RUNX1: variants seen among roughly 807,000 people sequenced by gnomAD.
The protein encoded by RUNX1 is RUNX family transcription factor 1, also known as runt-related transcription factor 1.
Under a neutral mutation model 42.8 loss-of-function variants are expected in RUNX1, and 19 were observed. That is an observed-to-expected ratio of 0.44 (90% confidence interval 0.31 to 0.65). The LOEUF (loss-of-function observed/expected upper bound fraction) is 0.65. RUNX1 is among the 30% of genes least tolerant of loss of function. RUNX1 has a pLI of 0.07. For missense variants in RUNX1, 528 were observed against 672.0 expected (o/e 0.79, Z 2.37); for synonymous variants, 271 against 289.4 (o/e 0.94, Z 0.64).
At chr21:34,928,676 T>C (rs1195122450) in intron 2 of RUNX1, among the ~76,000 whole-genome samples, 2 of 140,850 alleles carry the variant, frequency 1.4e-5, no homozygotes, top group Non-Finnish European at 3.0e-5. Context: ...TGCGACTCCA[T>C]CTTAAAAAAA....
intron 2 of RUNX1, among the ~76,000 whole-genome samples, chr21:34,962,142 C>T (rs952113666): frequency 3.9e-5 from 6 of 152,346 alleles, no homozygotes; most frequent in South Asian, 2.1e-4. Context: ...ATCCTCCTGC[C>T]TTGGCCTCCC....
chr21:34,930,295 T>C (rs1292769326), intron 2 of RUNX1, among the ~76,000 whole-genome samples: 1 of 140,076 alleles, frequency 7.1e-6, no homozygotes, highest in Non-Finnish European at 1.5e-5. Flanking sequence ...TATATATAAA[T>C]AAATAAATAA....
At chr21:34,900,244 T>C (rs1387746186) in intron 2 of RUNX1, among the ~76,000 whole-genome samples, 1 of 152,238 alleles carries the variant, frequency 6.6e-6, no homozygotes, top group Non-Finnish European at 1.5e-5. Context: ...CAAAAGTCTG[T>C]GTGTATTTTA....
intron 2 of RUNX1, among the ~76,000 whole-genome samples, chr21:35,040,542 G>T (rs1026769328): frequency 6.6e-6 from 1 of 152,034 alleles, no homozygotes; most frequent in Non-Finnish European, 1.5e-5. Context: ...GGGAGGCTGA[G>T]GCGGGCAGAT....
At chr21:34,911,513 G>GAAC (rs2058272233) in intron 2 of RUNX1, among the ~76,000 whole-genome samples, 1 of 152,106 alleles carries the variant, frequency 6.6e-6, no homozygotes, top group Non-Finnish European at 1.5e-5. Context: ...GAGAAAAGAG[G>GAAC]AACAGCCTCT....
At chr21:34,962,990 A>C (rs1213525737) in intron 2 of RUNX1, among the ~76,000 whole-genome samples, 3 of 152,202 alleles carry the variant, frequency 2.0e-5, no homozygotes, top group Middle Eastern at 3.2e-3. Flanking sequence ...GCCCAACATC[A>C]GCACTTTGTT....
At position 34,790,768 on chromosome 21, in the gene RUNX1, A is replaced by T; in HGVS notation, c.*1367T>A. ...CACTGAGGCACACAGAGGCAAATTGACTCCTCGAGGCCTGCTTCTGGTGGG... is the reference window on the plus strand; with the variant it reads ...CACTGAGGCACACAGAGGCAAATTGTCTCCTCGAGGCCTGCTTCTGGTGGG... On this transcript the variant is annotated 3_prime_UTR_variant, in exon 9 of 9. Transcript: ENST00000675419. 4.3e-6 allele frequency: 1 copy of T among 232,972 alleles called. No homozygotes were observed. Among genetic ancestry groups the T allele is most frequent in the Middle Eastern group, 1.3e-3 (1 of 786 alleles). 14.4% of individuals were successfully genotyped at this position (232,972 alleles called of 1,614,324 possible).
chr21:34,961,094 G>A (rs943329003), intron 2 of RUNX1, among the ~76,000 whole-genome samples: 2 of 152,120 alleles, frequency 1.3e-5, no homozygotes, highest in African/African-American at 4.8e-5. Context: ...GGACATTCAT[G>A]GCTGGGCGTG....
rs2058231526 is a variant in RUNX1 at position 34,907,432 on chromosome 21, G to C, written c.59-14469C>G. Among the ~76,000 whole-genome samples, 1 of 152,058 alleles carries C rather than the reference G, an allele frequency of 6.6e-6. No individual in the cohort carries two copies. Among genetic ancestry groups the C allele is most frequent in the Non-Finnish European group, 1.5e-5 (1 of 68,046 alleles). ...ATAGAGTGCTTCATCAGTAGTAAGGGTGAATACTGCTTCCTGAAGCTCTTT... is the reference window on the plus strand; with the variant it reads ...ATAGAGTGCTTCATCAGTAGTAAGGCTGAATACTGCTTCCTGAAGCTCTTT... On this transcript the variant is annotated intron_variant, in intron 2 of 8. Transcript: ENST00000675419. This position sits in a 1 kb window ranked among gnomAD's most constrained non-coding sequence, Gnocchi z 5.3.
chr21:35,006,211 C>T (rs2059083275), intron 2 of RUNX1, among the ~76,000 whole-genome samples: 2 of 152,172 alleles, frequency 1.3e-5, no homozygotes, highest in South Asian at 4.1e-4. Context: ...AGAAAGGCTA[C>T]AGTGAAGGAG....
intron 2 of RUNX1, among the ~76,000 whole-genome samples, chr21:35,026,233 A>G (rs1414543555): frequency 2.0e-5 from 3 of 152,156 alleles, no homozygotes; most frequent in Non-Finnish European, 4.4e-5. Flanking sequence ...TACATTCTTT[A>G]CCTCGGGGGG....
At chr21:35,027,431 C>T (rs550617639) in intron 2 of RUNX1, among the ~76,000 whole-genome samples, 2 of 152,334 alleles carry the variant, frequency 1.3e-5, no homozygotes, top group African/African-American at 4.8e-5. Context: ...AAAGACCACA[C>T]TGTGAATAGC....
chr21:34,902,144 T>C (rs1409574311), intron 2 of RUNX1, among the ~76,000 whole-genome samples: 2 of 152,202 alleles, frequency 1.3e-5, no homozygotes, highest in Non-Finnish European at 2.9e-5. Flanking sequence ...CCAAACAGAA[T>C]CATTTATTTG....
In RUNX1 at chr21:34,939,534, T is replaced by A. The variant is rs201188847; in HGVS notation, c.59-46571A>T. Among the ~76,000 whole-genome samples the A allele has an allele frequency of 6.6e-5, 10 of 152,176 alleles. No homozygotes were observed. The East Asian group carries it at 1.9e-3, about 29-fold the overall frequency. ...TCCGGGTCCACCTGCCATATCAGAATGAGAGAAGAAAGAGGGGCCCTCTAG... is the reference window on the plus strand; with the variant it reads ...TCCGGGTCCACCTGCCATATCAGAAAGAGAGAAGAAAGAGGGGCCCTCTAG... On this transcript the variant is annotated intron_variant, in intron 2 of 8. Coordinates refer to ENST00000675419, the MANE Select transcript of RUNX1 (RefSeq NM_001754.5).
At chr21:35,044,832 A>G (rs147307549) in intron 2 of RUNX1, among the ~76,000 whole-genome samples, 10 of 152,360 alleles carry the variant, frequency 6.6e-5, no homozygotes, top group Middle Eastern at 3.4e-3. Context: ...GAGAGAATGT[A>G]GGAACGTCTC....
intron 6 of RUNX1, among the ~76,000 whole-genome samples, chr21:34,845,675 C>T (rs1389994654): frequency 6.6e-6 from 1 of 152,146 alleles, no homozygotes; most frequent in African/African-American, 2.4e-5. Context: ...TTTTCCCAGC[C>T]GGAGGGGGAC....
At chr21:35,034,388 G>A (rs1267858182) in intron 2 of RUNX1, among the ~76,000 whole-genome samples, 3 of 152,182 alleles carry the variant, frequency 2.0e-5, no homozygotes, top group African/African-American at 2.4e-5. Flanking sequence ...GCCAGCATTA[G>A]TAGGCTGGGG....
chr21:34,823,125 G>A (rs2056932758), intron 7 of RUNX1, among the ~76,000 whole-genome samples: 2 of 152,192 alleles, frequency 1.3e-5, no homozygotes, highest in East Asian at 1.9e-4. Flanking sequence ...TACAGGGCTG[G>A]GAGACTTAAC....
chr21:34,965,213 G>A (rs541603093), intron 2 of RUNX1, among the ~76,000 whole-genome samples: 3 of 151,688 alleles, frequency 2.0e-5, no homozygotes, highest in African/African-American at 7.3e-5. Flanking sequence ...CACACACACA[G>A]CCTCACACAC....
Sources: gnomAD v4.1 joint callset for allele counts (sites outside exome capture counted in the v4.1 genomes callset) on GRCh38, gnomAD v4.1.1 for gene constraint, Gnocchi (gnomAD v3.1) non-coding constraint, MANE v1.5 for transcripts, NCBI Gene and HGNC (gene_info 2026-07-23, HGNC 2026-07-21) for gene names.